RABGAP1: variants seen among roughly 807,000 people sequenced by gnomAD.
RABGAP1 encodes the protein RAB GTPase activating protein 1, also known as rab GTPase-activating protein 1.
RABGAP1 carries 23 observed loss-of-function variants against 137.6 expected under a neutral mutation model. That is an observed-to-expected ratio of 0.17 (90% CI 0.12 to 0.24). The LOEUF (loss-of-function observed/expected upper bound fraction) is 0.24, where lower values mean the gene tolerates loss of function less well. Among genes scored for constraint, RABGAP1 ranks in the 10% least tolerant of loss-of-function variants. The pLI, the probability that RABGAP1 is intolerant of heterozygous loss-of-function variation, is 1.00. For missense variants in RABGAP1, 906 were observed against 1,275.8 expected (o/e 0.71, Z 4.42); for synonymous variants, 451 against 450.7 (o/e 1.00, Z -0.01).
rs1352988639 is a variant in RABGAP1 at position 123,098,748 on chromosome 9, G to A, written c.2767G>A (p.Ala923Thr). The change falls in exon 23 of 26, where the codon GCA (alanine) becomes ACA (threonine). Residue 923 changes from alanine (A) to threonine (T), a missense_variant. By Grantham distance (58) the Ala-to-Thr change is moderately conservative. Around this residue, in one of 9 missense-constraint regions of RABGAP1, gnomAD observed 193 missense variants for 248.1 expected, o/e 0.78. Coordinates refer to ENST00000373647, the MANE Select transcript of RABGAP1 (RefSeq NM_012197.4). Reference sequence around the variant, plus strand: ...AATGTGCCGTCGGGAACTCGACAAGGCAGAATCTGAGATTAAAAAAAACAG... The same window carrying A: ...AATGTGCCGTCGGGAACTCGACAAGACAGAATCTGAGATTAAAAAAAACAG... ...KEMCRRELDK[A>T]ESEIKKNSSI... 3.5e-5 allele frequency: 56 copies of A among 1,613,788 alleles called. 1 individual carries two copies. The East Asian group carries it at 1.2e-3, about 35-fold the overall frequency.
chr9:122,968,314 C>G lies in RABGAP1; in HGVS notation c.150+11105C>G, dbSNP rs531513515. Among the ~76,000 whole-genome samples the G allele has an allele frequency of 1.0e-3, 149 of 147,446 alleles. No individual in the cohort carries two copies. The Middle Eastern group carries it at 0.011, about 10-fold the overall frequency. On this transcript the variant is annotated intron_variant, in intron 2 of 25. Transcript: ENST00000373647. The stretch of plus-strand genomic sequence containing the variant: ...CTCAGCTCACTGCAACCTCCACTTA[C>G]TGATTTCAAATGATTCTCATACCTC...
At position 123,101,593 on chromosome 9, in the gene RABGAP1, C is replaced by T. The variant is rs761854128; in HGVS notation, c.2917C>T (p.Arg973Trp). ...RQKVDDCERC[R>W]EFFNKEGRVK... ...AAAAGTGGATGACTGTGAGCGGTGC[C>T]GGGAATTTTTCAACAAAGAAGGGCG... Residue 973 changes from arginine to tryptophan, a missense_variant, in exon 25 of 26, where the codon CGG becomes TGG. Transcript: ENST00000373647. 38 of 1,613,692 alleles carry T rather than the reference C, an allele frequency of 2.4e-5. No individual in the cohort carries two copies. The highest frequency in any genetic ancestry group is 3.3e-4 in the Middle Eastern group (2 of 6,082).
chr9:123,004,247 TG>T (rs1391781103), intron 10 of RABGAP1, among the ~76,000 whole-genome samples: 1 of 152,168 alleles, frequency 6.6e-6, no homozygotes, highest in Admixed American at 6.5e-5. Flanking sequence ...AAGTAATCTT[TG>T]GGGGTGACGC....
Position 123,070,464 on chromosome 9 carries a change from T to C in RABGAP1, c.1983+40T>C. On this transcript the variant is annotated intron_variant, in intron 15 of 25. Coordinates refer to ENST00000373647, the MANE Select transcript of RABGAP1 (RefSeq NM_012197.4). The surrounding 1 kb of genome is among the most constrained non-coding windows in gnomAD (Gnocchi z 4.4). ...CTCTGTTATGACTTAACACATGGCCTCCCTCAGCTTATACTAACCTTAGGC... is the reference window on the plus strand; with the variant it reads ...CTCTGTTATGACTTAACACATGGCCCCCCTCAGCTTATACTAACCTTAGGC... 6.2e-7 allele frequency: 1 copy of C among 1,613,556 alleles called. No individual in the cohort carries two copies.
At chr9:123,019,710 T>TTTG (rs2031491281) in intron 12 of RABGAP1, among the ~76,000 whole-genome samples, 1 of 92,286 alleles carries the variant, frequency 1.1e-5, no homozygotes, top group African/African-American at 3.6e-5. Flanking sequence ...TTGTTTGTTT[T>TTTG]GAGACAGTCT....
intron 1 of RABGAP1, among the ~76,000 whole-genome samples, chr9:122,942,395 G>C (rs1053494916): frequency 6.6e-6 from 1 of 152,110 alleles, no homozygotes; most frequent in African/African-American, 2.4e-5. Flanking sequence ...TGAAAATAGG[G>C]GCCGGGTGCG....
chr9:122,947,601 A>C (rs547211297), intron 1 of RABGAP1, among the ~76,000 whole-genome samples: 1 of 152,322 alleles, frequency 6.6e-6, no homozygotes, highest in African/African-American at 2.4e-5. Context: ...GTTAATGTAG[A>C]ATTGAACTAA....
At chr9:122,952,485 G>A (rs1834307101) in intron 1 of RABGAP1, among the ~76,000 whole-genome samples, 1 of 152,024 alleles carries the variant, frequency 6.6e-6, no homozygotes, top group Non-Finnish European at 1.5e-5. Flanking sequence ...AGCCAGGATG[G>A]TCTTGATCTC....
upstream of RABGAP1, among the ~76,000 whole-genome samples, chr9:122,937,207 A>G (rs1009086343): frequency 1.3e-5 from 2 of 152,252 alleles, no homozygotes; most frequent in African/African-American, 4.8e-5. Flanking sequence ...ATTCAGAAGA[A>G]CAAAATAAAT....
chr9:123,087,654 A>G (rs908306893), intron 19 of RABGAP1, among the ~76,000 whole-genome samples: 1 of 152,204 alleles, frequency 6.6e-6, no homozygotes, highest in African/African-American at 2.4e-5. Flanking sequence ...GTGTTGAGTG[A>G]GCATCTTTCT....
At chr9:122,933,541 C>T in the RABGAP1 span, among the ~76,000 whole-genome samples, 1 of 151,686 alleles carries the variant, frequency 6.6e-6, no homozygotes, top group Non-Finnish European at 1.5e-5. Flanking sequence ...GCCACCTTCG[C>T]CTCCCGGGTT....
chr9:123,009,473 A>T (rs1373549277), intron 10 of RABGAP1, among the ~76,000 whole-genome samples: 1 of 152,142 alleles, frequency 6.6e-6, no homozygotes, highest in Non-Finnish European at 1.5e-5. Flanking sequence ...GTGTATATAT[A>T]TATTTTTGTA....
intron 9 of RABGAP1, among the ~76,000 whole-genome samples, chr9:122,998,344 T>G (rs533938746): frequency 6.6e-6 from 1 of 152,184 alleles, no homozygotes; most frequent in Non-Finnish European, 1.5e-5. Flanking sequence ...TCTGCCTGCC[T>G]TGGTCTCCTG....
At chr9:122,985,604 T>A in intron 3 of RABGAP1, among the ~76,000 whole-genome samples, 1 of 94,182 alleles carries the variant, frequency 1.1e-5, no homozygotes. Context: ...AGAGCGAGAC[T>A]CCGTCTCAAA....
chr9:122,933,418 CATGTT>C, the RABGAP1 span, among the ~76,000 whole-genome samples: 285 of 148,674 alleles, frequency 1.9e-3, 1 homozygote, highest in Middle Eastern at 0.011. Flanking sequence ...TAACTATTTG[CATGTT>C]ATATCTTTTT....
chr9:123,098,546 AG>A (rs1335537566), intron 22 of RABGAP1, among the ~76,000 whole-genome samples, 168 bp from the exon 23 acceptor site: 1 of 152,208 alleles, frequency 6.6e-6, no homozygotes, highest in Non-Finnish European at 1.5e-5. Flanking sequence ...CTCCTGCATC[AG>A]GAACAGGGGA....
chr9:122,983,307 A>G (rs1836185312), intron 2 of RABGAP1, among the ~76,000 whole-genome samples: 1 of 152,252 alleles, frequency 6.6e-6, no homozygotes, highest in Admixed American at 6.5e-5. Flanking sequence ...AGTAACTCCA[A>G]ACATAAAATG....
At chr9:123,075,387 A>G (rs1331405862) in intron 17 of RABGAP1, among the ~76,000 whole-genome samples, 1 of 152,208 alleles carries the variant, frequency 6.6e-6, no homozygotes, top group Non-Finnish European at 1.5e-5. Flanking sequence ...ATACTTGAAC[A>G]TACACATCTG....
Position 123,070,202 on chromosome 9 carries a change from A to G in RABGAP1, c.1909-148A>G. The G allele has an allele frequency of 7.3e-7, 1 of 1,379,022 alleles. No individual in the cohort carries two copies. 85.4% of individuals were successfully genotyped at this position (1,379,022 alleles called of 1,614,324 possible). On this transcript the variant is annotated intron_variant, in intron 14 of 25. Transcript: ENST00000373647. This position sits in a 1 kb window ranked among gnomAD's most constrained non-coding sequence, Gnocchi z 4.4. Reference sequence around the variant, plus strand: ...TAAAGAAAAAGTTAAGATTGGAGAGAAGTATTGGCACCACTTACTGTCTGT... The same window carrying G: ...TAAAGAAAAAGTTAAGATTGGAGAGGAGTATTGGCACCACTTACTGTCTGT...
Sources: allele counts gnomAD v4.1 joint callset (sites outside exome capture counted in the v4.1 genomes callset), GRCh38; gene constraint gnomAD v4.1.1; regional missense constraint gnomAD v4.1.1; non-coding constraint Gnocchi (gnomAD v3.1); transcripts MANE v1.5; gene names NCBI Gene and HGNC (gene_info 2026-07-23, HGNC 2026-07-21).